Variants in FBXO28 observed in about 807,000 individuals in gnomAD.
FBXO28 encodes the protein F-box only protein 28.
FBXO28 carries 8 observed loss-of-function variants against 38.1 expected under a neutral mutation model. The ratio of observed to expected loss-of-function variants is 0.21; its 90% confidence interval spans 0.12 to 0.38. FBXO28 has a LOEUF of 0.38. Among genes scored for constraint, FBXO28 ranks in the 10% least tolerant of loss-of-function variants. FBXO28 has a pLI of 1.00. For synonymous variants in FBXO28, 168 were observed against 173.8 expected, an observed-to-expected ratio of 0.97 and a Z score of 0.26; for missense variants, 345 against 460.6, an observed-to-expected ratio of 0.75 and a Z score of 2.30.
chr1:224,127,160 GTATT>G (rs1313228557), intron 1 of FBXO28, among the ~76,000 whole-genome samples: 1 of 125,418 alleles, frequency 8.0e-6, no homozygotes. Flanking sequence ...AAGATGTAAA[GTATT>G]TGTGTGTGTG....
chr1:224,152,819 C>T lies in FBXO28; in HGVS notation c.517-323C>T, dbSNP rs574273969. Among the ~76,000 whole-genome samples, 61 of 149,866 alleles carry T rather than the reference C, an allele frequency of 4.1e-4. 1 individual carries two copies. Among genetic ancestry groups the T allele is most frequent in the Admixed American group, 2.0e-3 (29 of 14,678 alleles). ...TGGCGGGCAACTGTAATCCCAGCTACTTAGGAGGCTGAGGCAGAGAATTGC... is the reference window on the plus strand; with the variant it reads ...TGGCGGGCAACTGTAATCCCAGCTATTTAGGAGGCTGAGGCAGAGAATTGC... On this transcript the variant is annotated intron_variant, in intron 3 of 4. Transcript: ENST00000366862.
intron 1 of FBXO28, among the ~76,000 whole-genome samples, chr1:224,117,992 A>ATTT (rs1553287563): frequency 6.3e-4 from 54 of 85,666 alleles, no homozygotes; most frequent in Admixed American, 3.3e-3. Context: ...CTTTTTAATT[A>ATTT]ATTAATTAAT....
intron 1 of FBXO28, among the ~76,000 whole-genome samples, chr1:224,120,567 A>C (rs1233400679): frequency 6.6e-6 from 1 of 152,216 alleles, no homozygotes; most frequent in Non-Finnish European, 1.5e-5. Context: ...AATAGAAAAT[A>C]TATGTCATTG....
At chr1:224,118,289 C>T (rs956594863) in intron 1 of FBXO28, among the ~76,000 whole-genome samples, 1 of 41,528 alleles carries the variant, frequency 2.4e-5, no homozygotes, top group African/African-American at 4.9e-5. Context: ...ATTTAAAGTA[C>T]AATATAAAAA....
At chr1:224,142,476 G>A (rs11576822) in intron 3 of FBXO28, among the ~76,000 whole-genome samples, 38,538 of 151,092 alleles carry the variant, frequency 0.26, 5,148 homozygotes, top group East Asian at 0.47. Context: ...TGACTTTTTT[G>A]TAATAACACT....
At chr1:224,138,039 C>G (rs530054554) in intron 3 of FBXO28, among the ~76,000 whole-genome samples, 1 of 151,756 alleles carries the variant, frequency 6.6e-6, no homozygotes, top group South Asian at 2.1e-4. Flanking sequence ...ACCAGCCTGG[C>G]CAACATGGTG....
At chr1:224,138,154 G>T (rs113321996) in intron 3 of FBXO28, among the ~76,000 whole-genome samples, 1 of 150,818 alleles carries the variant, frequency 6.6e-6, no homozygotes, top group East Asian at 1.9e-4. Flanking sequence ...CTTGAACCTG[G>T]GAGGCAGAGG....
At chr1:224,146,128 G>A (rs934106622) in intron 3 of FBXO28, among the ~76,000 whole-genome samples, 1 of 151,730 alleles carries the variant, frequency 6.6e-6, no homozygotes, top group Non-Finnish European at 1.5e-5. Context: ...CAGCTACTCA[G>A]GAGGCTGAGG....
intron 4 of FBXO28, among the ~76,000 whole-genome samples, chr1:224,155,852 CTT>C (rs1657762810): frequency 6.6e-6 from 1 of 152,128 alleles, no homozygotes. Flanking sequence ...TCTCAAGGAT[CTT>C]ACTATTTCAA....
chr1:224,135,655 T>G (rs1464803535), intron 3 of FBXO28, among the ~76,000 whole-genome samples: 1 of 142,200 alleles, frequency 7.0e-6, no homozygotes, highest in Non-Finnish European at 1.6e-5. Context: ...AAAGAAAAAT[T>G]TAGTATCTGG....
At position 224,151,970 on chromosome 1, in the gene FBXO28, G is replaced by C. The variant is rs113170196; in HGVS notation, c.517-1172G>C. Reference sequence around the variant, plus strand: ...GGCAGGAGAATCACTTGAACCCTGCGGTTGGAGATGACAGTGAGCCAGGAT... The same window carrying C: ...GGCAGGAGAATCACTTGAACCCTGCCGTTGGAGATGACAGTGAGCCAGGAT... On this transcript the variant is annotated intron_variant, in intron 3 of 4. Transcript: ENST00000366862. 7.2e-4 allele frequency among the ~76,000 whole-genome samples: 109 copies of C among 151,924 alleles called. 1 individual carries two copies. Among genetic ancestry groups the C allele is most frequent in the African/African-American group, 2.5e-3 (105 of 41,432 alleles).
intron 1 of FBXO28, among the ~76,000 whole-genome samples, chr1:224,125,737 G>A (rs921616388): frequency 1.3e-5 from 2 of 151,544 alleles, no homozygotes; most frequent in Non-Finnish European, 2.9e-5. Context: ...CACCTTCCGG[G>A]TTTAAGCGAT....
Position 224,114,232 on chromosome 1 carries a change from C to T in FBXO28, c.103C>T (p.Pro35Ser), listed in dbSNP as rs1447330252. Reference protein sequence around the residue: ...ASGSTQRQPPPPAPQHPQPGS... With the variant: ...ASGSTQRQPPSPAPQHPQPGS... ...CGGCTCTACCCAGCGACAGCCTCCA[C>T]CGCCCGCGCCACAGCACCCGCAGCC... The change falls in exon 1 of 5, where the codon CCG becomes TCG. Residue 35 changes from proline (P) to serine (S), a missense_variant. Coordinates refer to ENST00000366862, the MANE Select transcript of FBXO28 (RefSeq NM_015176.4). 2.6e-6 allele frequency: 4 copies of T among 1,551,308 alleles called. No individual in the cohort carries two copies. Among genetic ancestry groups the T allele is most frequent in the African/African-American group, 2.7e-5 (2 of 73,298 alleles).
intron 3 of FBXO28, among the ~76,000 whole-genome samples, chr1:224,149,711 A>G (rs1278411185): frequency 6.6e-6 from 1 of 152,250 alleles, no homozygotes; most frequent in Non-Finnish European, 1.5e-5. Flanking sequence ...TATGGAAGAT[A>G]GAAATTAACA....
chr1:224,148,072 A>C (rs909174592), intron 3 of FBXO28, among the ~76,000 whole-genome samples: 1 of 152,216 alleles, frequency 6.6e-6, no homozygotes, highest in Non-Finnish European at 1.5e-5. Flanking sequence ...CCATTTGACT[A>C]AAATAATCTC....
intron 1 of FBXO28, among the ~76,000 whole-genome samples, chr1:224,126,612 C>T (rs971700912): frequency 2.0e-5 from 3 of 152,122 alleles, no homozygotes; most frequent in African/African-American, 7.2e-5. Flanking sequence ...GTCAGGAGTT[C>T]CAGACCAGCC....
At chr1:224,144,060 A>G (rs1366333521) in intron 3 of FBXO28, among the ~76,000 whole-genome samples, 1 of 151,700 alleles carries the variant, frequency 6.6e-6, no homozygotes, top group East Asian at 1.9e-4. Context: ...TTGAAGCACA[A>G]GAACCACTTG....
chr1:224,145,529 A>C (rs998880376), intron 3 of FBXO28, among the ~76,000 whole-genome samples: 1 of 152,098 alleles, frequency 6.6e-6, no homozygotes, highest in Non-Finnish European at 1.5e-5. Flanking sequence ...GAATTTTCCA[A>C]CTCCATTATA....
chr1:224,143,892 TC>T lies in FBXO28; in HGVS notation c.517-9247del, dbSNP rs200665514. On this transcript the variant is annotated intron_variant, in intron 3 of 4. Transcript: ENST00000366862. Reference sequence around the variant, plus strand: ...CCAGGCATGGTGGCTCACACCGTAATCCCAGCACTTTGGGAGGCTGAGGCGG... The same window carrying T: ...CCAGGCATGGTGGCTCACACCGTAATCCAGCACTTTGGGAGGCTGAGGCGG... Among the ~76,000 whole-genome samples, 1,131 of 144,224 alleles carry T rather than the reference TC, an allele frequency of 7.8e-3. 44 individuals carry two copies. The East Asian group carries it at 0.12, about 15-fold the overall frequency. 94.6% of individuals were successfully genotyped at this position (144,224 alleles called of 152,430 possible).
Sources: allele counts gnomAD v4.1 joint callset (sites outside exome capture counted in the v4.1 genomes callset), GRCh38; gene constraint gnomAD v4.1.1; transcripts MANE v1.5; gene names NCBI Gene and HGNC (gene_info 2026-07-23, HGNC 2026-07-21).